Variants in NAA35 observed in about 807,000 individuals in gnomAD.
NAA35 encodes N-alpha-acetyltransferase 35, NatC auxiliary subunit, also known as MAK10 homolog, amino-acid N-acetyltransferase subunit.
NAA35 carries 18 observed loss-of-function variants against 101.7 expected under a neutral mutation model. The observed-to-expected ratio is 0.18, with a 90% CI of 0.12 to 0.26. NAA35 has a LOEUF of 0.26. NAA35 is among the 10% of genes least tolerant of loss of function. NAA35 has a pLI of 1.00. For synonymous variants in NAA35, 267 were observed against 273.1 expected, an observed-to-expected ratio of 0.98 and a Z score of 0.22; for missense variants, 601 against 886.8, an observed-to-expected ratio of 0.68 and a Z score of 4.09.
At chr9:85,975,664 A>G (rs976051978) in intron 8 of NAA35, among the ~76,000 whole-genome samples, 9 of 152,230 alleles carry the variant, frequency 5.9e-5, no homozygotes, top group African/African-American at 2.2e-4. Flanking sequence ...AATCCAACCC[A>G]TGGATACAGA....
At position 85,986,589 on chromosome 9, in the gene NAA35, A is replaced by G. The variant is rs547100003; in HGVS notation, c.877+8208A>G. On this transcript the variant is annotated intron_variant, in intron 11 of 22. Transcript: ENST00000361671. ...CCAATGTGTAGATCAGAGGTGTCCAATCTTTTTTTTTTGAGACGAAGTTTC... is the reference window on the plus strand; with the variant it reads ...CCAATGTGTAGATCAGAGGTGTCCAGTCTTTTTTTTTTGAGACGAAGTTTC... The G allele has an allele frequency of 9.5e-4, 281 of 294,928 alleles. 2 individuals carry two copies. The highest frequency in any genetic ancestry group is 5.9e-3 in the South Asian group (270 of 45,736). The allele number at this position is 294,928 out of a possible 1,614,324, so 18.3% of individuals were successfully genotyped here. A position where few individuals can be genotyped will look rare whatever the true frequency, so the allele number is the denominator to read the frequency against.
At chr9:85,997,911 A>AT (rs1314122463) in intron 12 of NAA35, among the ~76,000 whole-genome samples, 8 of 151,368 alleles carry the variant, frequency 5.3e-5, no homozygotes, top group African/African-American at 1.5e-4. Flanking sequence ...GTGTGTATAT[A>AT]TTTTTTTTGT....
At chr9:85,954,451 A>G (rs1444812082) in intron 2 of NAA35, among the ~76,000 whole-genome samples, 1 of 152,168 alleles carries the variant, frequency 6.6e-6, no homozygotes, top group Non-Finnish European at 1.5e-5. Context: ...CAAACCTACC[A>G]GCAGTGCACA....
intron 2 of NAA35, among the ~76,000 whole-genome samples, chr9:85,951,939 G>A (rs1464782783): frequency 6.6e-6 from 1 of 152,244 alleles, no homozygotes; most frequent in East Asian, 1.9e-4. Context: ...CTGGGATTAC[G>A]GGCGTGAGCC....
At chr9:85,966,723 T>A in intron 6 of NAA35, 1 of 885,676 alleles carries the variant, frequency 1.1e-6, no homozygotes, top group Non-Finnish European at 1.6e-6. Flanking sequence ...ACAGCTGTCT[T>A]GGCAAACAGT....
intron 6 of NAA35, among the ~76,000 whole-genome samples, chr9:85,971,125 C>T (rs1829980963): frequency 6.6e-6 from 1 of 152,182 alleles, no homozygotes; most frequent in East Asian, 1.9e-4. Flanking sequence ...GATCCCATGG[C>T]TCCTTGTATC....
At chr9:85,979,451 A>G (rs1394525155) in intron 11 of NAA35, among the ~76,000 whole-genome samples, 1 of 152,242 alleles carries the variant, frequency 6.6e-6, no homozygotes, top group Non-Finnish European at 1.5e-5. Flanking sequence ...TTGGACCAGT[A>G]AAAGCATGCC....
chr9:85,952,213 A>G (rs953968932), intron 2 of NAA35, among the ~76,000 whole-genome samples: 4 of 149,718 alleles, frequency 2.7e-5, no homozygotes, highest in Non-Finnish European at 5.9e-5. Context: ...CTGAATAACC[A>G]TAGTCTGTTG....
chr9:85,949,165 C>G (rs1420668439), intron 2 of NAA35, among the ~76,000 whole-genome samples: 3 of 152,192 alleles, frequency 2.0e-5, no homozygotes, highest in Non-Finnish European at 4.4e-5. Flanking sequence ...TTCTAGGAAG[C>G]ATCCTTGAAT....
intron 11 of NAA35, among the ~76,000 whole-genome samples, chr9:85,994,621 G>T (rs1831077208): frequency 6.6e-6 from 1 of 152,080 alleles, no homozygotes. Flanking sequence ...AAATAATATA[G>T]TGTCTCTCTT....
chr9:85,945,612 G>A (rs781133114), intron 2 of NAA35, among the ~76,000 whole-genome samples: 5 of 145,498 alleles, frequency 3.4e-5, no homozygotes, highest in African/African-American at 2.8e-5. Flanking sequence ...TCGACCTCCC[G>A]GGTTCACGCC....
chr9:85,981,304 A>G (rs1356892087), intron 11 of NAA35, among the ~76,000 whole-genome samples: 2 of 152,196 alleles, frequency 1.3e-5, no homozygotes, highest in Admixed American at 1.3e-4. Context: ...TGAAATCTAC[A>G]GCAATAATAC....
Position 85,978,251 on chromosome 9 carries a change from G to A in NAA35, c.763-16G>A, listed in dbSNP as rs1270863329. The A allele has an allele frequency of 1.4e-6, 2 of 1,473,970 alleles. No homozygotes were observed. The highest frequency in any genetic ancestry group is 1.1e-5 in the South Asian group (1 of 87,650). 91.3% of individuals were successfully genotyped at this position (1,473,970 alleles called of 1,614,324 possible). ...GAAAGAATATGTAAGAATGTTTTTG[G>A]TGATTTATTTGCTAGACCAGTGCTG... On this transcript the variant is annotated splice_polypyrimidine_tract_variant and intron_variant, in intron 10 of 22. Transcript: ENST00000361671.
chr9:86,010,272 A>T (rs531649624), intron 15 of NAA35, among the ~76,000 whole-genome samples: 1 of 152,046 alleles, frequency 6.6e-6, no homozygotes, highest in East Asian at 1.9e-4. Flanking sequence ...TAATAATAAT[A>T]AATTGCTGGA....
In NAA35 at chr9:85,996,392, T is replaced by C. The variant is rs755010953; in HGVS notation, c.878-7T>C. 5.1e-6 allele frequency: 8 copies of C among 1,557,866 alleles called. No individual in the cohort carries two copies. Among genetic ancestry groups the C allele is most frequent in the Middle Eastern group, 3.4e-4 (2 of 5,864 alleles). On this transcript the variant is annotated splice_polypyrimidine_tract_variant and splice_region_variant and intron_variant, in intron 11 of 22. Coordinates refer to ENST00000361671, the MANE Select transcript of NAA35 (RefSeq NM_024635.4). Reference sequence around the variant, plus strand: ...GAAAAATTTTACTTTCATTTTTTTCTTTTTAGATCATCCAATTATGATGGG... The same window carrying C: ...GAAAAATTTTACTTTCATTTTTTTCCTTTTAGATCATCCAATTATGATGGG...
In NAA35 at chr9:85,974,978, G is replaced by A. The variant is rs148997991; in HGVS notation, c.528G>A (p.Gln176=). ...TCCTTTTTGTATAGGAAGATTTTCA[G>A]TCAATGACTTATGGATTTAAAATGG... The part of the protein sequence containing the change: ...KAAVFEEEDF[Q]SMTYGFKMAN... Residue 176 remains glutamine, a synonymous_variant, in exon 7 of 23, where the codon CAG becomes CAA. Transcript: ENST00000361671. 11 of 1,611,620 alleles carry A rather than the reference G, an allele frequency of 6.8e-6. No individual in the cohort carries two copies. Among genetic ancestry groups the A allele is most frequent in the Non-Finnish European group, 8.5e-6 (10 of 1,178,732 alleles).
In NAA35 at chr9:85,942,157, A is replaced by G. The variant is rs776930184; in HGVS notation, c.-3A>G. The G allele has an allele frequency of 3.1e-6, 5 of 1,613,420 alleles. No homozygotes were observed. The highest frequency in any genetic ancestry group is 2.2e-5 in the South Asian group (2 of 90,890). ...TTACATCAGTATTAATTTTACAGGC[A>G]TAATGGTTATGAAAGCTTCTGTAGA... On this transcript the variant is annotated splice_region_variant and 5_prime_UTR_variant, in exon 2 of 23. Coordinates refer to ENST00000361671, the MANE Select transcript of NAA35 (RefSeq NM_024635.4).
chr9:85,998,416 T>C (rs1049273539), intron 12 of NAA35, among the ~76,000 whole-genome samples: 10 of 152,300 alleles, frequency 6.6e-5, no homozygotes, highest in African/African-American at 2.4e-4. Context: ...TTAAATTACA[T>C]TTAGGTCATT....
rs751900708 is a variant in NAA35 at position 86,009,904 on chromosome 9, C to A, written c.1263C>A (p.Ile421=). ...LYNNHQAKDC[I]DSFVTHCVRP... ...ATAATCACCAGGCTAAGGACTGTAT[C>A]GACTCCTTTGTTACTCACTGTGTTC... Residue 421 remains isoleucine (I), a synonymous_variant, in exon 15 of 23, where the codon ATC becomes ATA. Coordinates refer to ENST00000361671, the MANE Select transcript of NAA35 (RefSeq NM_024635.4). 1.2e-6 allele frequency: 2 copies of A among 1,613,128 alleles called. No individual in the cohort carries two copies. Among genetic ancestry groups the A allele is most frequent in the Admixed American group, 3.3e-5 (2 of 59,960 alleles).
Sources: allele counts gnomAD v4.1 joint callset (sites outside exome capture counted in the v4.1 genomes callset), GRCh38; gene constraint gnomAD v4.1.1; transcripts MANE v1.5; gene names NCBI Gene and HGNC (gene_info 2026-07-23, HGNC 2026-07-21).